PKP4: variants seen among roughly 807,000 people sequenced by gnomAD.
The protein encoded by PKP4 is plakophilin 4, also known as plakophilin-4.
A neutral mutation model predicts 145.1 loss-of-function variants in PKP4; 90 were observed. The ratio of observed to expected loss-of-function variants is 0.62; its 90% confidence interval spans 0.52 to 0.74. The LOEUF is 0.74. Ranked by LOEUF, PKP4 falls within the 30% of genes least tolerant of loss-of-function variation. PKP4 has a pLI of 0.00. For missense variants in PKP4, 1,340 were observed against 1,482.7 expected (o/e 0.90, Z 1.58); for synonymous variants, 563 against 577.2 (o/e 0.98, Z 0.35).
At chr2:158,622,055 A>C (rs945788787) in intron 6 of PKP4, among the ~76,000 whole-genome samples, 3 of 152,138 alleles carry the variant, frequency 2.0e-5, no homozygotes, top group Admixed American at 2.0e-4. Context: ...CTGAGGGGTT[A>C]TGAGTTCCTA....
intron 2 of PKP4, among the ~76,000 whole-genome samples, chr2:158,562,406 C>T (rs2046610542): frequency 6.6e-6 from 1 of 152,276 alleles, no homozygotes; most frequent in African/African-American, 2.4e-5. Flanking sequence ...ATAGTATATA[C>T]ATAATTTCAT....
chr2:158,553,129 G>A (rs896786051), intron 2 of PKP4, among the ~76,000 whole-genome samples: 2 of 152,154 alleles, frequency 1.3e-5, no homozygotes, highest in African/African-American at 4.8e-5. Context: ...GTTTCTTCTT[G>A]CTGCTAATAA....
At chr2:158,601,260 T>A (rs955332921) in intron 3 of PKP4, among the ~76,000 whole-genome samples, 2 of 152,134 alleles carry the variant, frequency 1.3e-5, no homozygotes, top group African/African-American at 4.8e-5. Context: ...TGATATAAGT[T>A]TCAAACTCAG....
At chr2:158,677,264 T>C in intron 20 of PKP4, 1 of 269,604 alleles carries the variant, frequency 3.7e-6, no homozygotes, top group Admixed American at 4.4e-5. Flanking sequence ...CTAGACTGGC[T>C]CATCTCTTAA....
intron 7 of PKP4, among the ~76,000 whole-genome samples, chr2:158,627,016 C>G (rs903482117): frequency 3.3e-5 from 5 of 151,944 alleles, no homozygotes; most frequent in Admixed American, 6.5e-5. Flanking sequence ...AAAATTTAAG[C>G]CTTTTTGAGA....
intron 1 of PKP4, among the ~76,000 whole-genome samples, chr2:158,466,513 A>G (rs1178700944): frequency 6.6e-6 from 1 of 151,680 alleles, no homozygotes; most frequent in East Asian, 1.9e-4. Context: ...CCTGGACAAC[A>G]TGGTGAAACC....
rs529460106 is a variant in PKP4 at position 158,508,690 on chromosome 2, T to C, written c.-5-24490T>C. ...AATGTCTTATTTATCATGATACCTC[T>C]GATGTTCAAAATTACATATGTTGCT... On this transcript the variant is annotated intron_variant, in intron 1 of 21. Coordinates refer to ENST00000389759, the MANE Select transcript of PKP4 (RefSeq NM_003628.6). Among the ~76,000 whole-genome samples, 35 of 152,346 alleles carry C rather than the reference T, an allele frequency of 2.3e-4. No homozygotes were observed. In the South Asian group the frequency reaches 3.7e-3, roughly 16 times the overall value.
At chr2:158,585,632 A>C (rs2048736888) in intron 3 of PKP4, among the ~76,000 whole-genome samples, 1 of 152,210 alleles carries the variant, frequency 6.6e-6, no homozygotes, top group Non-Finnish European at 1.5e-5. Flanking sequence ...AATAGATTGA[A>C]TGTTTGTGCT....
intron 11 of PKP4, among the ~76,000 whole-genome samples, chr2:158,650,721 G>A (rs964884883): frequency 6.6e-6 from 1 of 152,240 alleles, no homozygotes; most frequent in Non-Finnish European, 1.5e-5. Flanking sequence ...TGAAAGCTGA[G>A]ATGGTGGTGT....
At chr2:158,476,629 C>T (rs6753083) in intron 1 of PKP4, among the ~76,000 whole-genome samples, 29,668 of 152,126 alleles carry the variant, frequency 0.2, 3,767 homozygotes, top group Middle Eastern at 0.34. Context: ...CTGTACTCAG[C>T]CCCTGAAGAT....
At chr2:158,478,442 A>G (rs1043738198) in intron 1 of PKP4, among the ~76,000 whole-genome samples, 2 of 152,152 alleles carry the variant, frequency 1.3e-5, no homozygotes, top group African/African-American at 4.8e-5. Context: ...AACATGTTTT[A>G]GAAGAGTCGT....
intron 1 of PKP4, among the ~76,000 whole-genome samples, chr2:158,463,799 T>C (rs564079542): frequency 6.6e-6 from 1 of 152,348 alleles, no homozygotes; most frequent in South Asian, 2.1e-4. Context: ...AAATTGAAGT[T>C]GTATACTTGA....
chr2:158,545,620 A>G lies in PKP4; in HGVS notation c.132+12304A>G, dbSNP rs568563374. 3.3e-5 allele frequency among the ~76,000 whole-genome samples: 5 copies of G among 152,274 alleles called. No individual in the cohort carries two copies. In the South Asian group the frequency reaches 1.0e-3, roughly 32 times the overall value. On this transcript the variant is annotated intron_variant, in intron 2 of 21. Coordinates refer to ENST00000389759, the MANE Select transcript of PKP4 (RefSeq NM_003628.6). ...TCACTTTTCATCATATCCATGAATA[A>G]TTACAGCTACTCATTCTTATATCCA...
chr2:158,635,127 T>A (rs531217037), intron 9 of PKP4, among the ~76,000 whole-genome samples: 1 of 152,318 alleles, frequency 6.6e-6, no homozygotes, highest in Non-Finnish European at 1.5e-5. Flanking sequence ...ACTGGAAAAT[T>A]GTTATAATTA....
intron 1 of PKP4, among the ~76,000 whole-genome samples, chr2:158,467,797 T>C (rs1690873823): frequency 6.6e-6 from 1 of 152,156 alleles, no homozygotes; most frequent in Non-Finnish European, 1.5e-5. Context: ...CAGTGAGTTA[T>C]GATAGTGCCA....
At chr2:158,671,340 A>T (rs868599549) in intron 17 of PKP4, among the ~76,000 whole-genome samples, 18 of 135,280 alleles carry the variant, frequency 1.3e-4, no homozygotes, top group South Asian at 5.1e-4. Flanking sequence ...TTTTAAATGT[A>T]TTTTTTTCTA....
intron 2 of PKP4, among the ~76,000 whole-genome samples, chr2:158,571,429 T>C (rs1183997184): frequency 6.6e-6 from 1 of 152,196 alleles, no homozygotes; most frequent in Non-Finnish European, 1.5e-5. Flanking sequence ...AACTACTTTA[T>C]GCTAATAATT....
chr2:158,539,524 C>T (rs1229103344), intron 2 of PKP4, among the ~76,000 whole-genome samples: 3 of 152,230 alleles, frequency 2.0e-5, no homozygotes, highest in Non-Finnish European at 2.9e-5. Context: ...TAGTTTGTCA[C>T]TTAACTAGAA....
chr2:158,624,595 AAT>A (rs2052570471), intron 6 of PKP4, among the ~76,000 whole-genome samples: 1 of 152,126 alleles, frequency 6.6e-6, no homozygotes, highest in Non-Finnish European at 1.5e-5. Flanking sequence ...AATAGTTAAA[AAT>A]GTAAAGATAA....
Sources: gnomAD v4.1 joint callset for allele counts (sites outside exome capture counted in the v4.1 genomes callset) on GRCh38, gnomAD v4.1.1 for gene constraint, MANE v1.5 for transcripts, NCBI Gene and HGNC (gene_info 2026-07-23, HGNC 2026-07-21) for gene names.